The following CYB5A variants were observed in gnomAD, a reference collection of about 807,000 sequenced individuals.
The protein encoded by CYB5A is cytochrome b5 type A.
CYB5A carries 10 observed loss-of-function variants against 16.2 expected under a neutral mutation model. That is an observed-to-expected ratio of 0.62 (90% CI 0.38 to 1.04). CYB5A has a LOEUF of 1.04. Ranked by LOEUF, CYB5A falls within the 50% of genes least tolerant of loss-of-function variation. The pLI, the probability that CYB5A is intolerant of heterozygous loss-of-function variation, is 0.01. For synonymous variants in CYB5A, 62 were observed against 57.0 expected, an observed-to-expected ratio of 1.09 and a Z score of -0.40; for missense variants, 161 against 165.9, an observed-to-expected ratio of 0.97 and a Z score of 0.16.
chr18:74,268,464 T>C (rs1314710016), intron 1 of CYB5A, among the ~76,000 whole-genome samples: 2 of 150,706 alleles, frequency 1.3e-5, no homozygotes, highest in Non-Finnish European at 3.0e-5. Flanking sequence ...CCAAGGATTC[T>C]GATCTTTGTC....
intron 1 of CYB5A, among the ~76,000 whole-genome samples, chr18:74,285,989 T>C (rs941722154): frequency 6.6e-6 from 1 of 152,070 alleles, no homozygotes; most frequent in Non-Finnish European, 1.5e-5. Flanking sequence ...GATCCCTCTA[T>C]ACAATAAGGA....
At position 74,256,645 on chromosome 18, in the gene CYB5A, G is replaced by A. The variant is rs1981994015; in HGVS notation, c.289-870C>T. On this transcript the variant is annotated intron_variant, in intron 3 of 4. Transcript: ENST00000340533. ...ATAAGCATTAGGGCCTCAAACAGAA[G>A]TTGCCATAAATAAGACAGCTTCAGA... is the stretch of plus-strand genomic sequence containing the variant. 10 of 597,384 alleles carry A rather than the reference G, an allele frequency of 1.7e-5. No individual in the cohort carries two copies. The South Asian group carries it at 2.1e-4, about 13-fold the overall frequency. The allele number at this position is 597,384 out of a possible 1,614,324, so 37.0% of individuals were successfully genotyped here. A position where few individuals can be genotyped will look rare whatever the true frequency, so the allele number is the denominator to read the frequency against.
chr18:74,291,656 G>T, intron 1 of CYB5A, 91 bp downstream of exon 1: 1 of 1,585,042 alleles, frequency 6.3e-7, no homozygotes, highest in Non-Finnish European at 8.6e-7. Flanking sequence ...GTAGGTATGC[G>T]GACTCCGGGC....
At chr18:74,275,255 A>T (rs1982825394) in intron 1 of CYB5A, among the ~76,000 whole-genome samples, 1 of 152,160 alleles carries the variant, frequency 6.6e-6, no homozygotes, top group Non-Finnish European at 1.5e-5. Context: ...TGGCCAACAA[A>T]GAAAGATGTT....
At chr18:74,264,243 G>T (rs1982342362) in intron 1 of CYB5A, among the ~76,000 whole-genome samples, 1 of 138,860 alleles carries the variant, frequency 7.2e-6, no homozygotes, top group Non-Finnish European at 1.6e-5. Flanking sequence ...GAGAAAGAAA[G>T]AACCTTTCAC....
In CYB5A at chr18:74,252,032, A is replaced by G. The variant is rs889505736; in HGVS notation, c.*1552T>C. 4 of 152,228 alleles carry G rather than the reference A, an allele frequency of 2.6e-5. No individual in the cohort carries two copies. The highest frequency in any genetic ancestry group is 6.5e-5 in the Admixed American group (1 of 15,280). The allele number at this position is 152,228 out of a possible 1,614,324, so 9.4% of individuals were successfully genotyped here. A position where few individuals can be genotyped will look rare whatever the true frequency, so the allele number is the denominator to read the frequency against. ...TTATAGCTAAAAATCACAACCAAAA[A>G]TATTGAAATATTTACATAGGTCCCT... On this transcript the variant is annotated 3_prime_UTR_variant, in exon 5 of 5. Transcript: ENST00000340533.
intron 1 of CYB5A, among the ~76,000 whole-genome samples, chr18:74,277,826 G>T (rs1982939789): frequency 6.6e-6 from 1 of 152,206 alleles, no homozygotes; most frequent in East Asian, 1.9e-4. Context: ...TGTCATGGAG[G>T]ATACAGGGGT....
At chr18:74,263,176 A>G (rs1378217841) in intron 2 of CYB5A, among the ~76,000 whole-genome samples, 173 bp downstream of exon 2, 1 of 151,842 alleles carries the variant, frequency 6.6e-6, no homozygotes, top group Non-Finnish European at 1.5e-5. Flanking sequence ...CAACAGTGAA[A>G]TGCAAAGACA....
chr18:74,288,722 C>T (rs1392942567), intron 1 of CYB5A, among the ~76,000 whole-genome samples: 1 of 152,194 alleles, frequency 6.6e-6, no homozygotes, highest in Non-Finnish European at 1.5e-5. Flanking sequence ...CAGGAAGTCA[C>T]CTGCAAGGAA....
At chr18:74,271,312 T>G (rs1174339930) in intron 1 of CYB5A, among the ~76,000 whole-genome samples, 1 of 152,186 alleles carries the variant, frequency 6.6e-6, no homozygotes, top group African/African-American at 2.4e-5. Flanking sequence ...TAGTTCTGAC[T>G]GTCTACAGAT....
chr18:74,287,978 A>C (rs1320337450), intron 1 of CYB5A, among the ~76,000 whole-genome samples: 1 of 152,152 alleles, frequency 6.6e-6, no homozygotes, highest in African/African-American at 2.4e-5. Context: ...CACAAATATA[A>C]ACTCAAAAAC....
rs951347596 is a variant in CYB5A, at chr18:74,260,861, C to T, written c.288+54G>A. Reference sequence around the variant, plus strand: ...TAAAAACCCTCTGCCTTCAGTTTGACAAGTATTAAATACAACGAGAACATC... The same window carrying T: ...TAAAAACCCTCTGCCTTCAGTTTGATAAGTATTAAATACAACGAGAACATC... On this transcript the variant is annotated intron_variant, in intron 3 of 4. Transcript: ENST00000340533. 6.7e-6 allele frequency: 10 copies of T among 1,499,712 alleles called. No individual in the cohort carries two copies. The African/African-American group carries it at 9.6e-5, about 14-fold the overall frequency. 92.9% of individuals were successfully genotyped at this position (1,499,712 alleles called of 1,614,324 possible).
chr18:74,288,217 C>CT (rs1568226332), intron 1 of CYB5A, among the ~76,000 whole-genome samples: 1 of 152,172 alleles, frequency 6.6e-6, no homozygotes, highest in African/African-American at 2.4e-5. Flanking sequence ...GAGCTTCAAC[C>CT]TGTGTTCTTG....
At chr18:74,274,002 C>T (rs914701993) in intron 1 of CYB5A, among the ~76,000 whole-genome samples, 3 of 152,206 alleles carry the variant, frequency 2.0e-5, no homozygotes, top group African/African-American at 7.2e-5. Context: ...TTCATTTGCA[C>T]GCCATTCTCC....
At chr18:74,269,348 G>A (rs545070671) in intron 1 of CYB5A, among the ~76,000 whole-genome samples, 6 of 116,292 alleles carry the variant, frequency 5.2e-5, no homozygotes, top group African/African-American at 1.7e-4. Context: ...TCTCCTGATC[G>A]TCTACGTGTC....
Position 74,253,310 on chromosome 18 carries a change from A to G in CYB5A, c.*274T>C. 2.7e-6 allele frequency: 1 copy of G among 375,172 alleles called. No individual in the cohort carries two copies. The highest frequency in any genetic ancestry group is 2.2e-5 in the South Asian group (1 of 45,344). 23.2% of individuals were successfully genotyped at this position (375,172 alleles called of 1,614,324 possible). A position where few individuals can be genotyped will look rare whatever the true frequency, so the allele number is the denominator to read the frequency against. ...AACACGGTGCATACTTTAAAAGCCA[A>G]ATATATTTTTAAAAGATCATGCTTA... On this transcript the variant is annotated 3_prime_UTR_variant, in exon 5 of 5. Transcript: ENST00000340533.
rs960400983 is a variant in CYB5A at position 74,281,763 on chromosome 18, G to GTGTGTGTGTGTGTGTT, written c.129+9983_129+9984insAACACACACACACACA. The stretch of plus-strand genomic sequence containing the variant: ...GGAGGCTGTGTGTGTGTGTGTGTGT[G>GTGTGTGTGTGTGTGTT]TGTGTATGTGTGTGTTTCAGGGGAG... On this transcript the variant is annotated intron_variant, in intron 1 of 4. Coordinates refer to ENST00000340533, the MANE Select transcript of CYB5A (RefSeq NM_148923.4). Among the ~76,000 whole-genome samples, 885 of 150,738 alleles carry GTGTGTGTGTGTGTGTT rather than the reference G, an allele frequency of 5.9e-3. 7 individuals carry two copies. Among genetic ancestry groups the GTGTGTGTGTGTGTGTT allele is most frequent in the African/African-American group, 0.021 (844 of 40,652 alleles).
At chr18:74,282,215 C>G (rs9959887) in intron 1 of CYB5A, among the ~76,000 whole-genome samples, 4,669 of 152,276 alleles carry the variant, frequency 0.031, 239 homozygotes, top group African/African-American at 0.11. Context: ...CCAAGGCCTA[C>G]AGAGTAAGAA....
At chr18:74,257,391 G>T (rs2145039191) in intron 3 of CYB5A, 1 of 158,520 alleles carries the variant, frequency 6.3e-6, no homozygotes, top group Admixed American at 6.1e-5. Context: ...TGTAGCCCAG[G>T]ATGCTTGACA....
Sources: allele counts gnomAD v4.1 joint callset (sites outside exome capture counted in the v4.1 genomes callset), GRCh38; gene constraint gnomAD v4.1.1; transcripts MANE v1.5; gene names NCBI Gene and HGNC (gene_info 2026-07-23, HGNC 2026-07-21).